The following CERKL variants were observed in gnomAD, a reference collection of about 807,000 sequenced individuals.
CERKL encodes the protein CERK like autophagy regulator, also known as ceramide kinase-like protein.
A neutral mutation model predicts 63.4 loss-of-function variants in CERKL; 61 were observed. The observed-to-expected ratio is 0.96, with a 90% CI of 0.78 to 1.19. The LOEUF (loss-of-function observed/expected upper bound fraction) is 1.19, where lower values mean the gene tolerates loss of function less well. Ranked by LOEUF, CERKL falls within the 50% of genes most tolerant of loss-of-function variation. CERKL has a pLI of 0.00. For missense variants in CERKL, 675 were observed against 655.5 expected, an observed-to-expected ratio of 1.03 and a Z score of -0.33; for synonymous variants, 250 against 230.5, an observed-to-expected ratio of 1.08 and a Z score of -0.77.
chr2:181,590,807 C>G (rs73035401), intron 2 of CERKL, among the ~76,000 whole-genome samples: 27,631 of 152,068 alleles, frequency 0.18, 4,028 homozygotes, highest in African/African-American at 0.4. Flanking sequence ...AAGTAATGGA[C>G]GCTGTTATAC....
At chr2:181,645,801 T>G (rs1203218673) in intron 1 of CERKL, among the ~76,000 whole-genome samples, 1 of 152,238 alleles carries the variant, frequency 6.6e-6, no homozygotes, top group Non-Finnish European at 1.5e-5. Context: ...TAAAAATTCT[T>G]CTCAAGTTAC....
intron 1 of CERKL, among the ~76,000 whole-genome samples, chr2:181,617,738 T>C (rs904206452): frequency 6.6e-6 from 1 of 152,146 alleles, no homozygotes; most frequent in African/African-American, 2.4e-5. Context: ...GACAGACCAA[T>C]AAATTTTCAA....
chr2:181,612,850 G>A (rs1486846186), intron 1 of CERKL, among the ~76,000 whole-genome samples: 8 of 151,848 alleles, frequency 5.3e-5, no homozygotes, highest in African/African-American at 7.3e-5. Flanking sequence ...TTGTATCTAT[G>A]CTGTATAAGA....
At chr2:181,554,407 T>C (rs1321183586) in intron 5 of CERKL, among the ~76,000 whole-genome samples, 2 of 152,200 alleles carry the variant, frequency 1.3e-5, no homozygotes, top group Non-Finnish European at 2.9e-5. Context: ...CAATATTTTA[T>C]TCTCCTCAAA....
At chr2:181,622,574 T>G (rs774305617) in intron 1 of CERKL, among the ~76,000 whole-genome samples, 5 of 152,188 alleles carry the variant, frequency 3.3e-5, no homozygotes, top group Non-Finnish European at 7.3e-5. Context: ...GTACTCTCCA[T>G]AATGCAAATT....
intron 1 of CERKL, among the ~76,000 whole-genome samples, chr2:181,644,131 T>C (rs1032175376): frequency 1.3e-5 from 2 of 152,262 alleles, no homozygotes; most frequent in Non-Finnish European, 2.9e-5. Context: ...CTGTGGCATC[T>C]GTCCATGTCC....
intron 2 of CERKL, among the ~76,000 whole-genome samples, chr2:181,592,825 AAC>A (rs765696969): frequency 6.6e-6 from 1 of 152,164 alleles, no homozygotes; most frequent in Non-Finnish European, 1.5e-5. Flanking sequence ...GGTAATGTGA[AAC>A]ACAGTACATT....
chr2:181,649,503 A>G (rs950169603), intron 1 of CERKL: 1 of 152,234 alleles, frequency 6.6e-6, no homozygotes, highest in African/African-American at 2.4e-5. Flanking sequence ...ACATACATAC[A>G]CAAACACACA....
intron 1 of CERKL, among the ~76,000 whole-genome samples, chr2:181,635,557 C>A (rs553782469): frequency 1.3e-5 from 2 of 152,184 alleles, no homozygotes; most frequent in African/African-American, 4.8e-5. Context: ...TCCCTTTACA[C>A]CTTCAAAACA....
At chr2:181,617,677 T>TA (rs1322019396) in intron 1 of CERKL, among the ~76,000 whole-genome samples, 1 of 152,140 alleles carries the variant, frequency 6.6e-6, no homozygotes, top group Non-Finnish European at 1.5e-5. Context: ...AAAAGGCCAA[T>TA]ACAGGATGTT....
chr2:181,650,109 G>C (rs1574069421), intron 1 of CERKL: 1 of 58,200 alleles, frequency 1.7e-5, no homozygotes, highest in South Asian at 7.8e-4. Context: ...GAGGGAGGGA[G>C]GGAGGAAGGA....
chr2:181,656,616 G>C (rs1433151968), intron 1 of CERKL, among the ~76,000 whole-genome samples, 153 bp downstream of exon 1: 1 of 152,082 alleles, frequency 6.6e-6, no homozygotes, highest in Non-Finnish European at 1.5e-5. Context: ...GGCGACTTGG[G>C]GACTCGGTAA....
At chr2:181,547,875 A>G (rs763927549) in intron 8 of CERKL, 28 bp from the exon 9 acceptor site, 8 of 1,606,898 alleles carry the variant, frequency 5.0e-6, no homozygotes, top group Admixed American at 1.7e-5. Flanking sequence ...AAACAAAGAC[A>G]TAAAACAGAT....
chr2:181,623,546 C>T (rs1686548925), intron 1 of CERKL, among the ~76,000 whole-genome samples: 1 of 152,214 alleles, frequency 6.6e-6, no homozygotes, highest in African/African-American at 2.4e-5. Flanking sequence ...ATTTGAGCTT[C>T]ACTCTTTCAA....
At chr2:181,596,627 T>G (rs556662529) in intron 2 of CERKL, among the ~76,000 whole-genome samples, 51 of 152,328 alleles carry the variant, frequency 3.3e-4, no homozygotes, top group African/African-American at 1.1e-3. Context: ...TTGCTTAACT[T>G]TTAATAATAT....
At chr2:181,614,223 T>TGAAG (rs1312506503) in intron 1 of CERKL, among the ~76,000 whole-genome samples, 1 of 152,208 alleles carries the variant, frequency 6.6e-6, no homozygotes, top group Admixed American at 6.5e-5. Flanking sequence ...CTAACTTCAG[T>TGAAG]GAAGGTTGAA....
chr2:181,578,930 G>C (rs569861258), intron 2 of CERKL, among the ~76,000 whole-genome samples: 7 of 151,954 alleles, frequency 4.6e-5, no homozygotes, highest in Non-Finnish European at 5.9e-5. Flanking sequence ...TCTGGAAGTA[G>C]AATCACTGGA....
At chr2:181,588,759 A>T (rs1684867092) in intron 2 of CERKL, among the ~76,000 whole-genome samples, 1 of 152,004 alleles carries the variant, frequency 6.6e-6, no homozygotes, top group African/African-American at 2.4e-5. Flanking sequence ...CTTATCTTTT[A>T]TCTTTCTGAT....
At chr2:181,547,317 A>C (rs1687771726) in intron 10 of CERKL, among the ~76,000 whole-genome samples, 1 of 152,238 alleles carries the variant, frequency 6.6e-6, no homozygotes, top group South Asian at 2.1e-4. Flanking sequence ...ATCAGTATTT[A>C]ATATAATGTT....
Sources: allele counts gnomAD v4.1 joint callset (sites outside exome capture counted in the v4.1 genomes callset), GRCh38; gene constraint gnomAD v4.1.1; transcripts MANE v1.5; gene names NCBI Gene and HGNC (gene_info 2026-07-23, HGNC 2026-07-21).